WDR64: variants seen among roughly 807,000 people sequenced by gnomAD.
WDR64 encodes the protein WD repeat domain 64.
WDR64 carries 112 observed loss-of-function variants against 139.3 expected under a neutral mutation model. The observed-to-expected ratio is 0.80, with a 90% CI of 0.69 to 0.94. WDR64 has a LOEUF of 0.94. Ranked by LOEUF, WDR64 falls within the 40% of genes least tolerant of loss-of-function variation. The pLI is 0.00. For synonymous variants in WDR64, 444 were observed against 437.7 expected (o/e 1.01, Z -0.18); for missense variants, 1,206 against 1,293.1 (o/e 0.93, Z 1.03).
At position 241,766,360 on chromosome 1, in the gene WDR64, T is replaced by C; in HGVS notation, c.2081+9T>C. On this transcript the variant is annotated intron_variant, in intron 16 of 27. Coordinates refer to ENST00000437684, the MANE Select transcript of WDR64 (RefSeq NM_001367482.1). ...TCTACTGTCAAAAAAGTGTAAGTTG[T>C]GTATTATCCTTAAACAATGTAAAAG... The C allele has an allele frequency of 6.2e-7, 1 of 1,613,058 alleles. No individual in the cohort carries two copies. The highest frequency in any genetic ancestry group is 8.5e-7 in the Non-Finnish European group (1 of 1,179,536).
intron 9 of WDR64, among the ~76,000 whole-genome samples, chr1:241,714,239 A>G (rs1447650552): frequency 6.6e-6 from 1 of 152,238 alleles, no homozygotes; most frequent in Non-Finnish European, 1.5e-5. Context: ...AACATCAAGA[A>G]AGTGGCCTAC....
Position 241,749,554 on chromosome 1 carries a change from C to G in WDR64, c.1602C>G (p.Val534=). Residue 534 remains valine (V), a synonymous_variant, in exon 14 of 28, where the codon GTC becomes GTG. Coordinates refer to ENST00000437684, the MANE Select transcript of WDR64 (RefSeq NM_001367482.1). ...LFATGAYNGT[V]RIWDFGSGQE... ...TTTTCTCTGTATGCTCAGGAACAGT[C>G]AGAATCTGGGACTTTGGCAGTGGGC... 1 of 1,613,970 alleles carries G rather than the reference C, an allele frequency of 6.2e-7. No individual in the cohort carries two copies. The highest frequency in any genetic ancestry group is 1.1e-5 in the South Asian group (1 of 91,054).
intron 15 of WDR64, among the ~76,000 whole-genome samples, chr1:241,758,560 G>A (rs12091633): frequency 0.15 from 22,926 of 152,088 alleles, 1,926 homozygotes; most frequent in African/African-American, 0.19. Flanking sequence ...ATCTTCCAAA[G>A]GTGGTCTGTG....
chr1:241,760,291 TA>T (rs1369461903), intron 15 of WDR64, among the ~76,000 whole-genome samples: 1 of 151,828 alleles, frequency 6.6e-6, no homozygotes, highest in Non-Finnish European at 1.5e-5. Context: ...GGGTTGTTTT[TA>T]ATCTTTTCCA....
intron 20 of WDR64, among the ~76,000 whole-genome samples, chr1:241,773,809 A>G (rs1558519637): frequency 6.6e-6 from 1 of 152,234 alleles, no homozygotes; most frequent in Non-Finnish European, 1.5e-5. Context: ...AAATATTCAA[A>G]TCTTTCTTTT....
intron 8 of WDR64, among the ~76,000 whole-genome samples, chr1:241,708,767 C>T (rs1668058822): frequency 7.1e-6 from 1 of 140,770 alleles, no homozygotes; most frequent in Non-Finnish European, 1.5e-5. Flanking sequence ...CTGGAATTCC[C>T]AGGCTCAAGC....
At chr1:241,723,950 A>G (rs900224761) in intron 10 of WDR64, among the ~76,000 whole-genome samples, 5 of 152,004 alleles carry the variant, frequency 3.3e-5, no homozygotes, top group African/African-American at 1.2e-4. Context: ...TAAAAATAAG[A>G]TAAAATAAAA....
intron 15 of WDR64, among the ~76,000 whole-genome samples, chr1:241,758,357 T>C (rs1670292433): frequency 1.3e-5 from 2 of 150,576 alleles, no homozygotes; most frequent in South Asian, 4.2e-4. Flanking sequence ...GATCACTACC[T>C]AGGCCTATTA....
rs761606408 is a variant in WDR64 at position 241,749,526 on chromosome 1, T to G, written c.1595-21T>G. The G allele has an allele frequency of 2.5e-6, 4 of 1,606,948 alleles. No individual in the cohort carries two copies. The Admixed American group carries it at 6.8e-5, about 27-fold the overall frequency. ...CTCTAAGTCATTTTTACCCACATAG[T>G]CTTTTTCTCTGTATGCTCAGGAACA... is the stretch of plus-strand genomic sequence containing the variant. On this transcript the variant is annotated intron_variant, in intron 13 of 27. Transcript: ENST00000437684.
At chr1:241,779,561 C>T (rs1224794720) in intron 21 of WDR64, among the ~76,000 whole-genome samples, 1 of 152,120 alleles carries the variant, frequency 6.6e-6, no homozygotes, top group African/African-American at 2.4e-5. Context: ...TGTGGAGGCC[C>T]ATGCCTGTAA....
chr1:241,798,641 C>T (rs1443205118), intron 27 of WDR64, among the ~76,000 whole-genome samples: 1 of 152,110 alleles, frequency 6.6e-6, no homozygotes. Context: ...TTATGGAATA[C>T]CTTAAAATAT....
chr1:241,741,457 C>A, intron 11 of WDR64, 59 bp from the exon 12 acceptor site: 1 of 1,498,468 alleles, frequency 6.7e-7, no homozygotes, highest in Non-Finnish European at 8.9e-7. Flanking sequence ...TGGCTGAAAC[C>A]CTTTGTGATT....
chr1:241,682,088 T>C (rs1223437780), intron 6 of WDR64, among the ~76,000 whole-genome samples: 2 of 152,252 alleles, frequency 1.3e-5, no homozygotes, highest in Non-Finnish European at 2.9e-5. Context: ...GTCTGTTTAC[T>C]CTGCTGGCTT....
At chr1:241,655,991 T>G (rs918671268) in intron 1 of WDR64, among the ~76,000 whole-genome samples, 4 of 152,236 alleles carry the variant, frequency 2.6e-5, no homozygotes, top group African/African-American at 9.6e-5. Flanking sequence ...CAGAAGGTAC[T>G]CCTTCAATGT....
chr1:241,698,160 A>T (rs1436342238), intron 8 of WDR64, among the ~76,000 whole-genome samples: 1 of 152,142 alleles, frequency 6.6e-6, no homozygotes, highest in Admixed American at 6.5e-5. Flanking sequence ...ATCTGAGCTT[A>T]ACTTCCCCCA....
intron 9 of WDR64, among the ~76,000 whole-genome samples, chr1:241,713,388 AGGAAGGAAGGGAGGGAGGGAGGAAG>A (rs1220844899): frequency 8.1e-6 from 1 of 123,070 alleles, no homozygotes; most frequent in African/African-American, 3.0e-5. Context: ...AAGGAAAGGA[AGGAAGGAAGGGAGGGAGGGAGGAAG>A]GGAAGGAAGG....
chr1:241,716,817 T>A (rs1373510954), intron 9 of WDR64, among the ~76,000 whole-genome samples: 1 of 152,140 alleles, frequency 6.6e-6, no homozygotes, highest in Non-Finnish European at 1.5e-5. Context: ...CTGGAGGACA[T>A]CTGTGGAGTA....
intron 23 of WDR64, among the ~76,000 whole-genome samples, chr1:241,785,112 T>G (rs1165972809): frequency 6.6e-6 from 1 of 152,092 alleles, no homozygotes; most frequent in South Asian, 2.1e-4. Context: ...AAGTGTTCAT[T>G]TGAGTTTGTA....
At position 241,705,559 on chromosome 1, in the gene WDR64, A is replaced by AAATAAATAAAT. The variant is rs376010669; in HGVS notation, c.975-6238_975-6237insATAAATAATAA. Among the ~76,000 whole-genome samples the AAATAAATAAAT allele has an allele frequency of 5.4e-3, 741 of 136,642 alleles. 5 individuals carry two copies. Among genetic ancestry groups the AAATAAATAAAT allele is most frequent in the African/African-American group, 7.8e-3 (283 of 36,484 alleles). 89.6% of individuals were successfully genotyped at this position (136,642 alleles called of 152,430 possible). On this transcript the variant is annotated intron_variant, in intron 8 of 27. Transcript: ENST00000437684. ...TCTGTCTCTAAAAAAATAAATAAAT[A>AAATAAATAAAT]AATAATAATAATAATAATAATAATA...
Sources: gnomAD v4.1 joint callset for allele counts (sites outside exome capture counted in the v4.1 genomes callset) on GRCh38, gnomAD v4.1.1 for gene constraint, MANE v1.5 for transcripts, NCBI Gene and HGNC (gene_info 2026-07-23, HGNC 2026-07-21) for gene names.